SH2B1: variants seen among roughly 807,000 people sequenced by gnomAD.
SH2B1 encodes the protein SH2B adaptor protein 1.
SH2B1 carries 15 observed loss-of-function variants against 62.6 expected under a neutral mutation model. That is an observed-to-expected ratio of 0.24 (90% confidence interval 0.16 to 0.37). SH2B1 has a LOEUF of 0.37. Among genes scored for constraint, SH2B1 ranks in the 10% least tolerant of loss-of-function variants. The pLI is 1.00. For synonymous variants in SH2B1, 443 were observed against 438.0 expected (o/e 1.01, Z -0.14); for missense variants, 925 against 1,015.6 (o/e 0.91, Z 1.21).
In SH2B1 at chr16:28,865,878, G is replaced by A. The variant is rs1962653802; in HGVS notation, c.-217G>A. Reference sequence around the variant, plus strand: ...CCAGGATCTGGGAGAGGGAAGGGAGGTGTTGGGCTCCCTTCCCCATTGCTC... The same window carrying A: ...CCAGGATCTGGGAGAGGGAAGGGAGATGTTGGGCTCCCTTCCCCATTGCTC... On this transcript the variant is annotated 5_prime_UTR_variant, in exon 1 of 8. In the 5' UTR this introduces an upstream ATG that the reference lacks. Coordinates refer to ENST00000684370, the MANE Select transcript of SH2B1 (RefSeq NM_001387430.1). The A allele has an allele frequency of 7.5e-7, 1 of 1,340,118 alleles. No homozygotes were observed. The highest frequency in any genetic ancestry group is 1.5e-5 in the African/African-American group (1 of 66,338). 83.0% of individuals were successfully genotyped at this position (1,340,118 alleles called of 1,614,324 possible). A position where few individuals can be genotyped will look rare whatever the true frequency, so the allele number is the denominator to read the frequency against.
At chr16:28,852,249 TATATATATTTAC>T (rs1567458098) in intron 1 of SH2B1, among the ~76,000 whole-genome samples, 9 of 83,564 alleles carry the variant, frequency 1.1e-4, no homozygotes, top group Admixed American at 1.7e-4. Context: ...TATATTTACA[TATATATATTTAC>T]ATATATATAT....
Position 28,852,829 on chromosome 16 carries a change from T to C in SH2B1, c.-301+6002T>C, listed in dbSNP as rs1281593914. On this transcript the variant is annotated intron_variant, in intron 1 of 10. Transcript: ENST00000322610. ...ATTTACATATATTTACATATATATTTATATATATATACATATATATATTTT... is the reference window on the plus strand; with the variant it reads ...ATTTACATATATTTACATATATATTCATATATATATACATATATATATTTT... Among the ~76,000 whole-genome samples the C allele has an allele frequency of 2.2e-4, 6 of 27,368 alleles. 2 individuals are homozygous for C. The East Asian group carries it at 0.021, about 95-fold the overall frequency. The allele number at this position is 27,368 out of a possible 152,430, so 18.0% of individuals were successfully genotyped here. A position where few individuals can be genotyped will look rare whatever the true frequency, so the allele number is the denominator to read the frequency against.
Position 28,872,758 on chromosome 16 carries a change from G to A in SH2B1, c.1897+53G>A. The A allele has an allele frequency of 6.2e-7, 1 of 1,606,742 alleles. No individual in the cohort carries two copies. The highest frequency in any genetic ancestry group is 8.5e-7 in the Non-Finnish European group (1 of 1,175,926). On this transcript the variant is annotated intron_variant, in intron 7 of 7. Coordinates refer to ENST00000684370, the MANE Select transcript of SH2B1 (RefSeq NM_001387430.1). This position sits in a 1 kb window ranked among gnomAD's most constrained non-coding sequence, Gnocchi z 5.3. Reference sequence around the variant, plus strand: ...AGGTGCCCGTGCACCCAAGAAGTGAGGTGTGTGTGCCAGAAAGATGGGGCG... The same window carrying A: ...AGGTGCCCGTGCACCCAAGAAGTGAAGTGTGTGTGCCAGAAAGATGGGGCG...
Position 28,864,219 on chromosome 16 carries a change from C to T in SH2B1, c.-1876C>T, listed in dbSNP as rs1272898792. ...CCGAGCCGAGAGCGGAGCCTGCACC[C>T]TCCACCTCCCGCCCTTCGGGAAATA... is the stretch of plus-strand genomic sequence containing the variant. On this transcript the variant is annotated 5_prime_UTR_variant, in exon 1 of 8. Coordinates refer to ENST00000684370, the MANE Select transcript of SH2B1 (RefSeq NM_001387430.1). 9 of 1,025,654 alleles carry T rather than the reference C, an allele frequency of 8.8e-6. No individual in the cohort carries two copies. Among genetic ancestry groups the T allele is most frequent in the African/African-American group, 3.5e-5 (2 of 57,790 alleles). 63.5% of individuals were successfully genotyped at this position (1,025,654 alleles called of 1,614,324 possible).
intron 4 of SH2B1, among the ~76,000 whole-genome samples, 153 bp from the exon 5 acceptor site, chr16:28,871,627 G>C (rs1448534767): frequency 2.0e-5 from 3 of 152,204 alleles, no homozygotes; most frequent in African/African-American, 7.2e-5. Context: ...AGGAGCCATT[G>C]GTAAAAGCAT....
chr16:28,852,490 A>ATT lies in SH2B1; in HGVS notation c.-301+5664_-301+5665insTT, dbSNP rs1567458674. Among the ~76,000 whole-genome samples the ATT allele has an allele frequency of 2.7e-4, 8 of 30,070 alleles. 2 individuals are homozygous for ATT. The highest frequency in any genetic ancestry group is 1.6e-3 in the African/African-American group (6 of 3,638). 19.7% of individuals were successfully genotyped at this position (30,070 alleles called of 152,430 possible). A position where few individuals can be genotyped will look rare whatever the true frequency, so the allele number is the denominator to read the frequency against. The stretch of plus-strand genomic sequence containing the variant: ...TATATACATATATATTTATATATAC[A>ATT]TACATATATTTATATATATACACAT... On this transcript the variant is annotated intron_variant, in intron 1 of 10. Transcript: ENST00000322610.
At position 28,852,785 on chromosome 16, in the gene SH2B1, C is replaced by CATATATATTTAT. The variant is rs1555510056; in HGVS notation, c.-301+5969_-301+5970insTATATATATTTA. On this transcript the variant is annotated intron_variant, in intron 1 of 10. Transcript: ENST00000322610. ...ATATATATATTTATATATATATTTACATATATATTTACATATATATTTACA... is the reference window on the plus strand; with the variant it reads ...ATATATATATTTATATATATATTTACATATATATTTATATATATATTTACATATATATTTACA... Among the ~76,000 whole-genome samples the CATATATATTTAT allele has an allele frequency of 2.0e-3, 83 of 41,664 alleles. 13 individuals are homozygous for CATATATATTTAT. Among genetic ancestry groups the CATATATATTTAT allele is most frequent in the Non-Finnish European group, 2.3e-3 (49 of 21,450 alleles). 27.3% of individuals were successfully genotyped at this position (41,664 alleles called of 152,430 possible). A position where few individuals can be genotyped will look rare whatever the true frequency, so the allele number is the denominator to read the frequency against.
Position 28,872,227 on chromosome 16 carries a change from G to T in SH2B1, c.1551G>T (p.Glu517Asp). The T allele has an allele frequency of 6.2e-7, 1 of 1,613,840 alleles. No individual in the cohort carries two copies. Among genetic ancestry groups the T allele is most frequent in the Non-Finnish European group, 8.5e-7 (1 of 1,179,834 alleles). ...TCCAGGGGGAGCCAGAGGGCGGTGA[G>T]GGGGACCAGCCCCTCTCAGGGTATC... Reference protein sequence around the residue: ...FLFQGEPEGGEGDQPLSGYPW... With the variant: ...FLFQGEPEGGDGDQPLSGYPW... Residue 517 changes from glutamate (E) to aspartate (D), a missense_variant, in exon 6 of 8, where the codon GAG (glutamate) becomes GAT (aspartate). Coordinates refer to ENST00000684370, the MANE Select transcript of SH2B1 (RefSeq NM_001387430.1). This position sits in a 1 kb window ranked among gnomAD's most constrained non-coding sequence, Gnocchi z 5.3.
chr16:28,865,065 A>G lies in SH2B1; in HGVS notation c.-1030A>G. Reference sequence around the variant, plus strand: ...TTGAGCCCTGGTCTGACTCAAGTCCATGGCCTTAACCAGAAGGCTAACCTG... The same window carrying G: ...TTGAGCCCTGGTCTGACTCAAGTCCGTGGCCTTAACCAGAAGGCTAACCTG... On this transcript the variant is annotated 5_prime_UTR_variant, in exon 1 of 8. An upstream start codon of the reference 5' UTR is lost. Transcript: ENST00000684370. 4 of 985,338 alleles carry G rather than the reference A, an allele frequency of 4.1e-6. No homozygotes were observed. Among genetic ancestry groups the G allele is most frequent in the Non-Finnish European group, 4.8e-6 (4 of 829,770 alleles). The allele number at this position is 985,338 out of a possible 1,614,324, so 61.0% of individuals were successfully genotyped here. A position where few individuals can be genotyped will look rare whatever the true frequency, so the allele number is the denominator to read the frequency against.
chr16:28,857,232 G>A (rs182796298), intron 1 of SH2B1, among the ~76,000 whole-genome samples: 7 of 151,506 alleles, frequency 4.6e-5, no homozygotes, highest in Admixed American at 1.3e-4. Context: ...GCAGTGAACC[G>A]AGATTGCATC....
intron 2 of SH2B1, among the ~76,000 whole-genome samples, chr16:28,867,897 T>C (rs573827511): frequency 1.7e-4 from 25 of 150,848 alleles, no homozygotes; most frequent in Non-Finnish European, 3.1e-4. Context: ...GGCGCGATCT[T>C]GGCTCACTGC....
Position 28,866,408 on chromosome 16 carries a change from A to G in SH2B1, c.314A>G (p.Asp105Gly), listed in dbSNP as rs754504022. Reference sequence around the variant, plus strand: ...CCTGGTGCGGAGATTTCGCCACATGACCTGTCCCTTGAGAGCTGCAGGGTG... The same window carrying G: ...CCTGGTGCGGAGATTTCGCCACATGGCCTGTCCCTTGAGAGCTGCAGGGTG... ...LSPGAEISPHDLSLESCRVGG... is the reference protein window; with the variant it reads ...LSPGAEISPHGLSLESCRVGG... Residue 105 changes from aspartate (D) to glycine (G), a missense_variant, in exon 1 of 8, where the codon GAC (aspartate) becomes GGC (glycine). By Grantham distance (94) the Asp-to-Gly change is moderately conservative. Coordinates refer to ENST00000684370, the MANE Select transcript of SH2B1 (RefSeq NM_001387430.1). The surrounding 1 kb of genome is among the most constrained non-coding windows in gnomAD (Gnocchi z 6.3). The G allele has an allele frequency of 6.2e-7, 1 of 1,613,540 alleles. No individual in the cohort carries two copies. The highest frequency in any genetic ancestry group is 1.1e-5 in the South Asian group (1 of 91,072).
At chr16:28,851,525 T>C (rs1391376725) in intron 1 of SH2B1, among the ~76,000 whole-genome samples, 1 of 149,442 alleles carries the variant, frequency 6.7e-6, no homozygotes, top group African/African-American at 2.5e-5. Flanking sequence ...AATGGCACAA[T>C]CTTGGCTTAC....
rs1251682934 is a variant in SH2B1 at position 28,873,713 on chromosome 16, G to T, written c.2164G>T (p.Asp722Tyr). 1.3e-6 allele frequency: 2 copies of T among 1,501,084 alleles called. No individual in the cohort carries two copies. The highest frequency in any genetic ancestry group is 1.4e-5 in the African/African-American group (1 of 71,362). 93.0% of individuals were successfully genotyped at this position (1,501,084 alleles called of 1,614,324 possible). ...GGCCCAGGGCGCTGGGTCTGGTGGG[G>T]ACGCGGGGGTGCCCCCAATGGTGCA... Reference protein sequence around the residue: ...SEAQGAGSGGDAGVPPMVQLQ... With the variant: ...SEAQGAGSGGYAGVPPMVQLQ... Residue 722 changes from aspartate to tyrosine, a missense_variant, in exon 8 of 8, where the codon GAC (aspartate) becomes TAC (tyrosine). Asp to Tyr is a radical substitution (Grantham distance 160). Transcript: ENST00000684370. The surrounding 1 kb of genome is among the most constrained non-coding windows in gnomAD (Gnocchi z 4.2).
At position 28,872,354 on chromosome 16, in the gene SH2B1, A is replaced by T; in HGVS notation, c.1678A>T (p.Arg560Trp). ...CTTCCTGGTGCGCCAGAGTGAGACA[A>T]GGCGGGGTGAATACGTCCTCACCTT... Reference protein sequence around the residue: ...GVFLVRQSETRRGEYVLTFNF... With the variant: ...GVFLVRQSETWRGEYVLTFNF... The change falls in exon 6 of 8, where the codon AGG (arginine) becomes TGG (tryptophan). Residue 560 changes from arginine to tryptophan, a missense_variant. Arg to Trp is a moderately radical substitution (Grantham distance 101). Coordinates refer to ENST00000684370, the MANE Select transcript of SH2B1 (RefSeq NM_001387430.1). The surrounding 1 kb of genome is among the most constrained non-coding windows in gnomAD (Gnocchi z 5.3). 6.2e-7 allele frequency: 1 copy of T among 1,613,230 alleles called. No homozygotes were observed. The highest frequency in any genetic ancestry group is 8.5e-7 in the Non-Finnish European group (1 of 1,179,450).
Position 28,866,506 on chromosome 16 carries a change from T to C in SH2B1, c.412T>C (p.Ser138Pro). 1 of 1,614,018 alleles carries C rather than the reference T, an allele frequency of 6.2e-7. No individual in the cohort carries two copies. Residue 138 changes from serine to proline, a missense_variant, in exon 1 of 8, where the codon TCT becomes CCT. Physicochemically the swap from Ser to Pro is moderately conservative, Grantham distance 74. Around this residue, in one of 3 missense-constraint regions of SH2B1, gnomAD observed 683 missense variants for 704.0 expected, o/e 0.97. Transcript: ENST00000684370. The surrounding 1 kb of genome is among the most constrained non-coding windows in gnomAD (Gnocchi z 6.3). ...DLAGPLPSSV[S>P]SSSTTSSKPK... ...GGCCGGCCCCCTCCCTTCCTCAGTCTCTTCCTCCTCTACAACCTCCTCCAA... is the reference window on the plus strand; with the variant it reads ...GGCCGGCCCCCTCCCTTCCTCAGTCCCTTCCTCCTCTACAACCTCCTCCAA...
At position 28,864,000 on chromosome 16, in the gene SH2B1, C is replaced by A; in HGVS notation, c.-2095C>A. 7.3e-7 allele frequency: 1 copy of A among 1,363,954 alleles called. No homozygotes were observed. The highest frequency in any genetic ancestry group is 9.5e-7 in the Non-Finnish European group (1 of 1,055,540). 84.5% of individuals were successfully genotyped at this position (1,363,954 alleles called of 1,614,324 possible). On this transcript the variant is annotated 5_prime_UTR_variant, in exon 1 of 8. Transcript: ENST00000684370. ...AAGTACCTTTTCCCTCTCCGCGACC[C>A]GGCCCTGGCGCCCGAGAGGATTCCT...
chr16:28,866,583 A>C lies in SH2B1; in HGVS notation c.489A>C (p.Arg163=). Reference sequence around the variant, plus strand: ...TGCGTTCAGTGGGTCGCTCTGTCCGAGGCTCAGTCCGTGGCATCCTGCAGT... The same window carrying C: ...TGCGTTCAGTGGGTCGCTCTGTCCGCGGCTCAGTCCGTGGCATCCTGCAGT... The part of the protein sequence containing the change: ...FSLRSVGRSV[R]GSVRGILQWR... Residue 163 remains arginine, a synonymous_variant, in exon 1 of 8, where the codon CGA becomes CGC. Coordinates refer to ENST00000684370, the MANE Select transcript of SH2B1 (RefSeq NM_001387430.1). The surrounding 1 kb of genome is among the most constrained non-coding windows in gnomAD (Gnocchi z 6.3). 1 of 1,613,964 alleles carries C rather than the reference A, an allele frequency of 6.2e-7. No individual in the cohort carries two copies. Among genetic ancestry groups the C allele is most frequent in the Non-Finnish European group, 8.5e-7 (1 of 1,180,010 alleles).
chr16:28,867,184 G>C, intron 1 of SH2B1, 147 bp from the exon 2 acceptor site: 1 of 1,247,678 alleles, frequency 8.0e-7, no homozygotes, highest in Non-Finnish European at 1.1e-6. Flanking sequence ...CTCTGTGTTA[G>C]CAGCTGCGGG....
Sources: allele counts gnomAD v4.1 joint callset (sites outside exome capture counted in the v4.1 genomes callset), GRCh38; gene constraint gnomAD v4.1.1; regional missense constraint gnomAD v4.1.1; non-coding constraint Gnocchi (gnomAD v3.1); transcripts MANE v1.5; gene names NCBI Gene and HGNC (gene_info 2026-07-23, HGNC 2026-07-21).